ZNF804A: variants seen among roughly 807,000 people sequenced by gnomAD.
The protein encoded by ZNF804A is zinc finger protein 804A.
Under a neutral mutation model 16.5 loss-of-function variants are expected in ZNF804A, and 2 were observed. That is an observed-to-expected ratio of 0.12 (90% confidence interval 0.05 to 0.38). The LOEUF is 0.38. Among genes scored for constraint, ZNF804A ranks in the 10% least tolerant of loss-of-function variants. The probability of loss-of-function intolerance (pLI) is 0.99; values close to 1 mark genes in which losing one functional copy is unlikely to be tolerated. For synonymous variants in ZNF804A, 534 were observed against 489.6 expected, an observed-to-expected ratio of 1.09 and a Z score of -1.20; for missense variants, 1,473 against 1,390.7, an observed-to-expected ratio of 1.06 and a Z score of -0.94.
intron 2 of ZNF804A, among the ~76,000 whole-genome samples, chr2:184,869,503 G>A (rs566503147): frequency 6.6e-6 from 1 of 151,954 alleles, no homozygotes; most frequent in Non-Finnish European, 1.5e-5. Context: ...AACGCCCAAT[G>A]AGCTCAACTG....
intron 1 of ZNF804A, among the ~76,000 whole-genome samples, chr2:184,747,898 T>C (rs1693817112): frequency 6.6e-6 from 1 of 151,510 alleles, no homozygotes; most frequent in Non-Finnish European, 1.5e-5. Context: ...AGTAAGAACA[T>C]GCAGTATTTG....
intron 1 of ZNF804A, among the ~76,000 whole-genome samples, chr2:184,629,399 C>T (rs188862469): frequency 6.3e-4 from 96 of 152,136 alleles, no homozygotes; most frequent in Non-Finnish European, 2.8e-4. Flanking sequence ...AGTTCAGGCA[C>T]ATTGATAAAA....
In ZNF804A at chr2:184,867,748, G is replaced by A. The variant is rs1574248694; in HGVS notation, c.255+1236G>A. On this transcript the variant is annotated intron_variant, in intron 2 of 3. Coordinates refer to ENST00000302277, the MANE Select transcript of ZNF804A (RefSeq NM_194250.2). ...GAACATTAACATTCATTAGGAAATGGTATTATTTTGTGATAATGTTACTGA... is the reference window on the plus strand; with the variant it reads ...GAACATTAACATTCATTAGGAAATGATATTATTTTGTGATAATGTTACTGA... 1.3e-5 allele frequency among the ~76,000 whole-genome samples: 2 copies of A among 151,946 alleles called. 1 individual carries two copies. Among genetic ancestry groups the A allele is most frequent in the East Asian group, 3.9e-4 (2 of 5,186 alleles).
chr2:184,734,172 A>G (rs1220643928), intron 1 of ZNF804A, among the ~76,000 whole-genome samples: 1 of 152,068 alleles, frequency 6.6e-6, no homozygotes, highest in Non-Finnish European at 1.5e-5. Context: ...TCAAACACCT[A>G]GGCTCAAGAT....
intron 1 of ZNF804A, among the ~76,000 whole-genome samples, chr2:184,714,997 T>C (rs116312583): frequency 3.6e-4 from 55 of 152,272 alleles, no homozygotes; most frequent in African/African-American, 1.3e-3. Flanking sequence ...AGTAAAAGTT[T>C]CTCTCTGGCT....
At chr2:184,785,116 T>C (rs1349594905) in intron 1 of ZNF804A, among the ~76,000 whole-genome samples, 2 of 152,054 alleles carry the variant, frequency 1.3e-5, no homozygotes, top group East Asian at 3.9e-4. Context: ...GCAAGGTTGC[T>C]ATCTTAGGGT....
intron 1 of ZNF804A, among the ~76,000 whole-genome samples, chr2:184,599,758 G>C (rs1691016501): frequency 2.0e-5 from 3 of 152,308 alleles, no homozygotes; most frequent in Non-Finnish European, 4.4e-5. Flanking sequence ...GGTTCTCACT[G>C]GATCACAGAG....
chr2:184,612,454 G>A (rs1035370271), intron 1 of ZNF804A, among the ~76,000 whole-genome samples: 94 of 150,630 alleles, frequency 6.2e-4, no homozygotes, highest in African/African-American at 2.2e-3. Flanking sequence ...TTTTTTGGGG[G>A]GGGGACGGAG....
At chr2:184,774,720 A>G (rs1694261839) in intron 1 of ZNF804A, among the ~76,000 whole-genome samples, 1 of 151,830 alleles carries the variant, frequency 6.6e-6, no homozygotes, top group African/African-American at 2.4e-5. Flanking sequence ...TCTGTGAAAG[A>G]TATCTCTGTG....
At chr2:184,796,705 A>G (rs1694633799) in intron 1 of ZNF804A, among the ~76,000 whole-genome samples, 2 of 151,644 alleles carry the variant, frequency 1.3e-5, no homozygotes, top group Admixed American at 1.3e-4. Context: ...TAGTTCCTTG[A>G]GGTGTGTCCT....
chr2:184,726,864 A>T (rs1361024429), intron 1 of ZNF804A, among the ~76,000 whole-genome samples: 1 of 151,574 alleles, frequency 6.6e-6, no homozygotes, highest in Non-Finnish European at 1.5e-5. Flanking sequence ...CCCTAAATTT[A>T]AAAAAGAAAG....
At chr2:184,899,659 G>A (rs1029209817) in intron 2 of ZNF804A, among the ~76,000 whole-genome samples, 24 of 151,860 alleles carry the variant, frequency 1.6e-4, no homozygotes, top group South Asian at 2.1e-4. Context: ...AAAATAAATT[G>A]AAAAAGTAAT....
intron 1 of ZNF804A, among the ~76,000 whole-genome samples, chr2:184,661,320 C>T (rs537078516): frequency 7.2e-5 from 11 of 152,250 alleles, no homozygotes; most frequent in African/African-American, 2.2e-4. Context: ...ACAGCTCTTT[C>T]ACTCGCACCA....
chr2:184,733,422 T>G (rs1187942698), intron 1 of ZNF804A, among the ~76,000 whole-genome samples: 8 of 152,142 alleles, frequency 5.3e-5, no homozygotes, highest in African/African-American at 1.7e-4. Flanking sequence ...TTGTTGGATT[T>G]GATTTGATAT....
chr2:184,747,550 C>A (rs1035998775), intron 1 of ZNF804A, among the ~76,000 whole-genome samples: 4 of 150,620 alleles, frequency 2.7e-5, no homozygotes, highest in African/African-American at 9.7e-5. Flanking sequence ...TTAATATAAG[C>A]GGAAATAAAA....
chr2:184,765,270 A>G (rs1694100809), intron 1 of ZNF804A, among the ~76,000 whole-genome samples: 2 of 152,158 alleles, frequency 1.3e-5, no homozygotes, highest in South Asian at 4.1e-4. Flanking sequence ...GTAAATTGGA[A>G]CGTGCTGCTA....
At chr2:184,807,973 G>A (rs959145855) in intron 1 of ZNF804A, among the ~76,000 whole-genome samples, 32 of 151,396 alleles carry the variant, frequency 2.1e-4, no homozygotes, top group Admixed American at 2.0e-3. Context: ...CATACTATAG[G>A]CTTTTTTCAT....
At chr2:184,826,004 TG>T (rs1215831854) in intron 1 of ZNF804A, among the ~76,000 whole-genome samples, 1 of 151,944 alleles carries the variant, frequency 6.6e-6, no homozygotes, top group Non-Finnish European at 1.5e-5. Context: ...CCTGAGTAGC[TG>T]AGATTATAGG....
At chr2:184,885,756 C>G (rs1378182798) in intron 2 of ZNF804A, among the ~76,000 whole-genome samples, 6 of 152,136 alleles carry the variant, frequency 3.9e-5, no homozygotes, top group Non-Finnish European at 7.3e-5. Flanking sequence ...GTAAACCCAT[C>G]AGATCTTGTG....
Sources: allele counts gnomAD v4.1 joint callset (sites outside exome capture counted in the v4.1 genomes callset), GRCh38; gene constraint gnomAD v4.1.1; transcripts MANE v1.5; gene names NCBI Gene and HGNC (gene_info 2026-07-23, HGNC 2026-07-21).